NEK7: variants seen among roughly 807,000 people sequenced by gnomAD.
NEK7 encodes NIMA related kinase 7.
A neutral mutation model predicts 44.6 loss-of-function variants in NEK7; 18 were observed. The ratio of observed to expected loss-of-function variants is 0.40; its 90% CI spans 0.28 to 0.60. The LOEUF (loss-of-function observed/expected upper bound fraction) is 0.60. NEK7 is among the 20% of genes least tolerant of loss of function. The pLI is 0.38. For missense variants in NEK7, 256 were observed against 366.5 expected (o/e 0.70, Z 2.46); for synonymous variants, 130 against 121.1 (o/e 1.07, Z -0.48).
At chr1:198,305,359 C>G (rs1414430760) in intron 9 of NEK7, among the ~76,000 whole-genome samples, 2 of 152,032 alleles carry the variant, frequency 1.3e-5, no homozygotes, top group East Asian at 3.9e-4. Context: ...AATCATTGCA[C>G]AGTATTGGAT....
rs746606001 is a variant in NEK7 at position 198,256,485 on chromosome 1, A to G, written c.198+3305A>G. On this transcript the variant is annotated intron_variant, in intron 3 of 9. Coordinates refer to ENST00000367385, the MANE Select transcript of NEK7 (RefSeq NM_133494.3). ...TCCCATCATGGTTCATTTGCAAAAAAATAAGATGGTACCTTAACTAATAAA... is the reference window on the plus strand; with the variant it reads ...TCCCATCATGGTTCATTTGCAAAAAGATAAGATGGTACCTTAACTAATAAA... 8.8e-6 allele frequency: 14 copies of G among 1,590,330 alleles called. No individual in the cohort carries two copies. The Admixed American group carries it at 2.0e-4, about 22-fold the overall frequency.
At chr1:198,274,082 C>T (rs915226047) in intron 5 of NEK7, among the ~76,000 whole-genome samples, 3 of 151,002 alleles carry the variant, frequency 2.0e-5, no homozygotes, top group Non-Finnish European at 4.4e-5. Context: ...GGAAATGCTT[C>T]CTTATATTTA....
intron 1 of NEK7, among the ~76,000 whole-genome samples, chr1:198,163,338 TA>T (rs1325578230): frequency 6.6e-6 from 1 of 151,212 alleles, no homozygotes; most frequent in Non-Finnish European, 1.5e-5. Flanking sequence ...ACAAAAAATT[TA>T]AAAAAAATTA....
intron 2 of NEK7, among the ~76,000 whole-genome samples, chr1:198,248,083 G>A (rs1235059267): frequency 6.6e-6 from 1 of 152,112 alleles, no homozygotes; most frequent in African/African-American, 2.4e-5. Flanking sequence ...GGGGTGTGAG[G>A]AGAATGGTAA....
chr1:198,223,246 A>G (rs553952742), intron 1 of NEK7, among the ~76,000 whole-genome samples: 3 of 152,306 alleles, frequency 2.0e-5, no homozygotes, highest in African/African-American at 4.8e-5. Context: ...TTAGTAGGCT[A>G]TTATGGTAGT....
rs145526944 is a variant in NEK7, at chr1:198,248,126, A to G, written c.58-4914A>G. Among the ~76,000 whole-genome samples, 248 of 152,310 alleles carry G rather than the reference A, an allele frequency of 1.6e-3. 1 individual carries two copies. The highest frequency in any genetic ancestry group is 5.6e-3 in the African/African-American group (231 of 41,574). On this transcript the variant is annotated intron_variant, in intron 2 of 9. Transcript: ENST00000367385. Reference sequence around the variant, plus strand: ...GGAAGAGTGTGCTCATCAGTACTCCAGGAATCTTGAAAAGGCTCAGGCATG... The same window carrying G: ...GGAAGAGTGTGCTCATCAGTACTCCGGGAATCTTGAAAAGGCTCAGGCATG...
chr1:198,172,764 T>C (rs1009504367), intron 1 of NEK7, among the ~76,000 whole-genome samples: 1 of 152,208 alleles, frequency 6.6e-6, no homozygotes. Context: ...TCATAGAGCC[T>C]AGTGCTGAAG....
intron 3 of NEK7, among the ~76,000 whole-genome samples, chr1:198,258,425 A>G (rs1157885403): frequency 6.6e-6 from 1 of 152,130 alleles, no homozygotes; most frequent in Admixed American, 6.5e-5. Flanking sequence ...GAGACAAAGC[A>G]AGACTCTCTC....
intron 9 of NEK7, among the ~76,000 whole-genome samples, chr1:198,302,536 G>A (rs1052948742): frequency 6.6e-6 from 1 of 151,868 alleles, no homozygotes; most frequent in Non-Finnish European, 1.5e-5. Context: ...TGATTTTCTG[G>A]AGTATTTAAA....
chr1:198,316,020 T>C (rs1187276587), intron 9 of NEK7, among the ~76,000 whole-genome samples: 1 of 151,808 alleles, frequency 6.6e-6, no homozygotes. Flanking sequence ...GAAAGGAAAA[T>C]ATTTAGGGCA....
At chr1:198,189,996 G>T (rs927450412) in intron 1 of NEK7, among the ~76,000 whole-genome samples, 2 of 152,030 alleles carry the variant, frequency 1.3e-5, no homozygotes, top group Non-Finnish European at 2.9e-5. Context: ...CAAATGTTAA[G>T]AATGCAACAT....
rs1465882408 is a variant in NEK7, at chr1:198,320,847, T to A, written c.*1325T>A. The A allele has an allele frequency of 6.6e-6, 1 of 152,252 alleles. No individual in the cohort carries two copies. Among genetic ancestry groups the A allele is most frequent in the Non-Finnish European group, 1.5e-5 (1 of 68,044 alleles). The allele number at this position is 152,252 out of a possible 1,614,324, so 9.4% of individuals were successfully genotyped here. ...GAAGCTTTTGAGTAAAGTACTGTAT[T>A]TGTTCATGAAGATGACTGAGATGGT... is the stretch of plus-strand genomic sequence containing the variant. On this transcript the variant is annotated 3_prime_UTR_variant, in exon 10 of 10. Transcript: ENST00000367385.
chr1:198,246,870 T>A (rs1043751190), intron 2 of NEK7, among the ~76,000 whole-genome samples: 10 of 152,222 alleles, frequency 6.6e-5, no homozygotes, highest in Admixed American at 4.6e-4. Context: ...GAAAGAATGG[T>A]CTCCGTGTAT....
chr1:198,161,554 G>A (rs1322062436), intron 1 of NEK7, among the ~76,000 whole-genome samples: 1 of 152,172 alleles, frequency 6.6e-6, no homozygotes, highest in Non-Finnish European at 1.5e-5. Context: ...TTATTTTTGT[G>A]CTTAGACTCT....
intron 1 of NEK7, chr1:198,208,505 G>GGC (rs1665662697): frequency 2.6e-5 from 4 of 152,040 alleles, no homozygotes; most frequent in African/African-American, 9.7e-5. Flanking sequence ...GCCTCCTGAG[G>GGC]AGCTGGGACC....
rs146770709 is a variant in NEK7, at chr1:198,274,218, C to A, written c.373-3743C>A. On this transcript the variant is annotated intron_variant, in intron 5 of 9. Transcript: ENST00000367385. ...TTTAATTAACATTTTTCCTAATCCTCTTCAAAAACACCTTGCACACCAGGA... is the reference window on the plus strand; with the variant it reads ...TTTAATTAACATTTTTCCTAATCCTATTCAAAAACACCTTGCACACCAGGA... Among the ~76,000 whole-genome samples, 242 of 145,342 alleles carry A rather than the reference C, an allele frequency of 1.7e-3. 2 individuals are homozygous for A. The highest frequency in any genetic ancestry group is 6.1e-3 in the African/African-American group (226 of 37,254).
At position 198,292,980 on chromosome 1, in the gene NEK7, C is replaced by A; in HGVS notation, c.625C>A (p.His209Asn). The A allele has an allele frequency of 6.2e-7, 1 of 1,600,870 alleles. No homozygotes were observed. The highest frequency in any genetic ancestry group is 8.6e-7 in the Non-Finnish European group (1 of 1,168,612). Residue 209 changes from histidine (H) to asparagine (N), a missense_variant, in exon 8 of 10, where the codon CAT becomes AAT. Physicochemically the swap from His to Asn is moderately conservative, Grantham distance 68. Coordinates refer to ENST00000367385, the MANE Select transcript of NEK7 (RefSeq NM_133494.3). ...TTATTACATGTCTCCAGAGAGAATA[C>A]ATGAAAATGGATACAACTTCAAATC... ...TPYYMSPERI[H>N]ENGYNFKSDI...
chr1:198,283,971 A>G (rs1654291686), intron 7 of NEK7, among the ~76,000 whole-genome samples: 1 of 152,068 alleles, frequency 6.6e-6, no homozygotes, highest in African/African-American at 2.4e-5. Context: ...TTTTCTACCT[A>G]CTTTTGGACA....
At chr1:198,249,767 A>C (rs1456319241) in intron 2 of NEK7, among the ~76,000 whole-genome samples, 4 of 138,844 alleles carry the variant, frequency 2.9e-5, no homozygotes, top group East Asian at 2.8e-4. Flanking sequence ...GTTTGAGTTC[A>C]TTGTAGATTC....
Sources: gnomAD v4.1 joint callset for allele counts (sites outside exome capture counted in the v4.1 genomes callset) on GRCh38, gnomAD v4.1.1 for gene constraint, MANE v1.5 for transcripts, NCBI Gene and HGNC (gene_info 2026-07-23, HGNC 2026-07-21) for gene names.